Variants in CSRNP2 observed in about 807,000 individuals in gnomAD.
CSRNP2 encodes cysteine and serine rich nuclear protein 2, also known as cysteine/serine-rich nuclear protein 2.
CSRNP2 carries 11 observed loss-of-function variants against 36.6 expected under a neutral mutation model. The ratio of observed to expected loss-of-function variants is 0.30; its 90% CI spans 0.19 to 0.50. The LOEUF (loss-of-function observed/expected upper bound fraction) is 0.50. Among genes scored for constraint, CSRNP2 ranks in the 20% least tolerant of loss-of-function variants. CSRNP2 has a pLI of 0.98. For missense variants in CSRNP2, 483 were observed against 691.4 expected (o/e 0.70, Z 3.38); for synonymous variants, 248 against 275.3 (o/e 0.90, Z 0.98).
chr12:51,062,761 C>T lies in CSRNP2; in HGVS notation c.*985G>A, dbSNP rs1937704474. The T allele has an allele frequency of 1.3e-5, 2 of 152,446 alleles. No homozygotes were observed. Among genetic ancestry groups the T allele is most frequent in the Admixed American group, 1.3e-4 (2 of 15,288 alleles). 9.4% of individuals were successfully genotyped at this position (152,446 alleles called of 1,614,324 possible). On this transcript the variant is annotated 3_prime_UTR_variant, in exon 5 of 5. Coordinates refer to ENST00000228515, the MANE Select transcript of CSRNP2 (RefSeq NM_030809.3). The stretch of plus-strand genomic sequence containing the variant: ...CTGATTGGTGACCTTAAGATTGCCA[C>T]ATTCTACATTCCACTAAAGCTCAGA...
Position 51,061,647 on chromosome 12 carries a change from TAAG to T in CSRNP2, c.*2096_*2098del, listed in dbSNP as rs1392580333. 1.3e-5 allele frequency: 2 copies of T among 152,466 alleles called. No homozygotes were observed. The highest frequency in any genetic ancestry group is 4.8e-5 in the African/African-American group (2 of 41,456). The allele number at this position is 152,466 out of a possible 1,614,324, so 9.4% of individuals were successfully genotyped here. On this transcript the variant is annotated 3_prime_UTR_variant, in exon 5 of 5. Coordinates refer to ENST00000228515, the MANE Select transcript of CSRNP2 (RefSeq NM_030809.3). ...GTTAATGAAGGGGATGGACTTAAAT[TAAG>T]AAACTACAGGTTTTCAGAAACATAT...
intron 2 of CSRNP2, 125 bp from the exon 3 acceptor site, chr12:51,074,207 T>G: frequency 8.9e-7 from 1 of 1,118,450 alleles, no homozygotes; most frequent in Non-Finnish European, 1.2e-6. Flanking sequence ...AGCCTCCACC[T>G]CCCGGGTTCA....
At chr12:51,075,704 C>A (rs1939368640) in intron 2 of CSRNP2, among the ~76,000 whole-genome samples, 1 of 152,190 alleles carries the variant, frequency 6.6e-6, no homozygotes, top group Non-Finnish European at 1.5e-5. Flanking sequence ...CCATGGGCAA[C>A]CCCTCATATA....
rs1268459089 is a variant in CSRNP2 at position 51,063,313 on chromosome 12, C to T, written c.*433G>A. 1 of 153,214 alleles carries T rather than the reference C, an allele frequency of 6.5e-6. No homozygotes were observed. Among genetic ancestry groups the T allele is most frequent in the Non-Finnish European group, 1.5e-5 (1 of 68,888 alleles). 9.5% of individuals were successfully genotyped at this position (153,214 alleles called of 1,614,324 possible). On this transcript the variant is annotated 3_prime_UTR_variant, in exon 5 of 5. Transcript: ENST00000228515. ...TTCCAGTTTGAAGTATTATGACACA[C>T]CAAAATGGGATATCAGAATAACCAC...
In CSRNP2 at chr12:51,083,583, C is replaced by A. The variant is rs1939728799; in HGVS notation, c.-331G>T. On this transcript the variant is annotated 5_prime_UTR_variant, in exon 1 of 5. Transcript: ENST00000228515. The stretch of plus-strand genomic sequence containing the variant: ...CAGCAGACGCCCAGAACCGCCCCGG[C>A]TCCGGCTAACAATAGGATCCGGCCG... 1 of 152,302 alleles carries A rather than the reference C, an allele frequency of 6.6e-6. No individual in the cohort carries two copies. The highest frequency in any genetic ancestry group is 1.5e-5 in the Non-Finnish European group (1 of 68,080). 9.4% of individuals were successfully genotyped at this position (152,302 alleles called of 1,614,324 possible).
intron 1 of CSRNP2, among the ~76,000 whole-genome samples, chr12:51,079,358 TAAAAAA>T (rs879833809): frequency 7.0e-6 from 1 of 142,404 alleles, no homozygotes; most frequent in Admixed American, 7.0e-5. Flanking sequence ...CTTAAAGTAT[TAAAAAA>T]AAAAAAAGAT....
At chr12:51,068,111 C>A (rs1938581643) in intron 3 of CSRNP2, 142 bp from the exon 4 acceptor site, 1 of 700,664 alleles carries the variant, frequency 1.4e-6, no homozygotes, top group Admixed American at 2.8e-5. Context: ...CAGCTACTAG[C>A]ACATGTGGCT....
chr12:51,083,206 C>G (rs1054113254), intron 1 of CSRNP2, 133 bp downstream of exon 1: 1 of 152,640 alleles, frequency 6.6e-6, no homozygotes, highest in Non-Finnish European at 1.5e-5. Flanking sequence ...CGACCGCTCC[C>G]GTCCGAGCCT....
At chr12:51,080,933 T>C (rs1566188442) in intron 1 of CSRNP2, among the ~76,000 whole-genome samples, 1 of 152,162 alleles carries the variant, frequency 6.6e-6, no homozygotes, top group Admixed American at 6.5e-5. Context: ...GGCAGGAGAA[T>C]TGCTTGAGGC....
intron 1 of CSRNP2, among the ~76,000 whole-genome samples, chr12:51,080,491 T>C (rs1939597512): frequency 6.6e-6 from 1 of 152,162 alleles, no homozygotes; most frequent in South Asian, 2.1e-4. Context: ...GGAATAGTGG[T>C]TTCTGGGCAA....
chr12:51,077,044 CAA>C (rs34490094), intron 1 of CSRNP2, among the ~76,000 whole-genome samples: 9 of 126,714 alleles, frequency 7.1e-5, no homozygotes, highest in Admixed American at 8.3e-5. Context: ...GTTTGGTTGG[CAA>C]AAAAAAAAAA....
chr12:51,081,200 A>T (rs1308963396), intron 1 of CSRNP2, among the ~76,000 whole-genome samples: 3 of 152,286 alleles, frequency 2.0e-5, no homozygotes, highest in Non-Finnish European at 4.4e-5. Context: ...AGGCGGGAGG[A>T]TTGCTTGAAC....
rs370522473 is a variant in CSRNP2, at chr12:51,064,703, G to T, written c.709-34C>A. 4.7e-6 allele frequency: 7 copies of T among 1,487,442 alleles called. No individual in the cohort carries two copies. In the African/African-American group the frequency reaches 7.0e-5, roughly 15 times the overall value. 92.1% of individuals were successfully genotyped at this position (1,487,442 alleles called of 1,614,324 possible). On this transcript the variant is annotated intron_variant, in intron 4 of 4. Transcript: ENST00000228515. ...GGACAAGAAGGTTGGGGCAAGATGA[G>T]ACCTACAATCCTAACAATGGAGACA...
At chr12:51,070,503 G>A (rs1407983825) in intron 3 of CSRNP2, among the ~76,000 whole-genome samples, 1 of 152,128 alleles carries the variant, frequency 6.6e-6, no homozygotes, top group African/African-American at 2.4e-5. Context: ...GTAACACGAG[G>A]ACACTCATAT....
Position 51,073,866 on chromosome 12 carries a change from C to T in CSRNP2, c.368G>A (p.Arg123His), listed in dbSNP as rs1218910839. The T allele has an allele frequency of 6.8e-6, 11 of 1,613,972 alleles. No individual in the cohort carries two copies. The highest frequency in any genetic ancestry group is 2.2e-5 in the East Asian group (1 of 44,890). ...EQEVNHREIL[R>H]EHLKEEKLHA... Reference sequence around the variant, plus strand: ...GAGTTTCTCTTCCTTCAGGTGCTCACGCAGAATCTCTCGATGGTTCACCTC... The same window carrying T: ...GAGTTTCTCTTCCTTCAGGTGCTCATGCAGAATCTCTCGATGGTTCACCTC... The change falls in exon 3 of 5, where the codon CGT becomes CAT. Residue 123 changes from arginine to histidine, a missense_variant. By Grantham distance (29) the Arg-to-His change is conservative (BLOSUM62 0). Around this residue, in one of 2 missense-constraint regions of CSRNP2, gnomAD observed 206 missense variants for 367.8 expected, o/e 0.56. Transcript: ENST00000228515.
Position 51,074,098 on chromosome 12 carries a change from A to G in CSRNP2, c.152-16T>C. 6.2e-7 allele frequency: 1 copy of G among 1,604,534 alleles called. No homozygotes were observed. The highest frequency in any genetic ancestry group is 8.5e-7 in the Non-Finnish European group (1 of 1,176,734). The stretch of plus-strand genomic sequence containing the variant: ...ATGGATGTGGCTGAGAAGGGAGCAC[A>G]GAGAGATGTTTTATTTATTTTTCTA... On this transcript the variant is annotated splice_polypyrimidine_tract_variant and intron_variant, in intron 2 of 4. Coordinates refer to ENST00000228515, the MANE Select transcript of CSRNP2 (RefSeq NM_030809.3).
chr12:51,068,013 A>G, intron 3 of CSRNP2, 44 bp from the exon 4 acceptor site: 1 of 1,569,194 alleles, frequency 6.4e-7, no homozygotes, highest in South Asian at 1.2e-5. Flanking sequence ...CATGAGCGGC[A>G]TGCACCTCCT....
chr12:51,066,500 G>A (rs563511184), intron 4 of CSRNP2, among the ~76,000 whole-genome samples: 8 of 151,436 alleles, frequency 5.3e-5, no homozygotes, highest in Admixed American at 1.3e-4. Context: ...AATTAGCCGG[G>A]CATAGTGGTG....
chr12:51,078,565 T>A (rs939819199), intron 1 of CSRNP2, among the ~76,000 whole-genome samples: 3 of 151,946 alleles, frequency 2.0e-5, no homozygotes, highest in African/African-American at 7.3e-5. Context: ...TTTAGCTGGG[T>A]TTAAAGATAC....
Sources: gnomAD v4.1 joint callset for allele counts (sites outside exome capture counted in the v4.1 genomes callset) on GRCh38, gnomAD v4.1.1 for gene constraint, gnomAD v4.1.1 regional missense constraint, MANE v1.5 for transcripts, NCBI Gene and HGNC (gene_info 2026-07-23, HGNC 2026-07-21) for gene names.